GABRA5: variants seen among roughly 807,000 people sequenced by gnomAD.
GABRA5 encodes the protein gamma-aminobutyric acid receptor subunit alpha-5.
GABRA5 carries 18 observed loss-of-function variants against 47.3 expected under a neutral mutation model. The observed-to-expected ratio is 0.38, with a 90% CI of 0.26 to 0.56. GABRA5 has a LOEUF of 0.56. GABRA5 is among the 20% of genes least tolerant of loss of function. The probability of loss-of-function intolerance (pLI) is 0.71; values close to 1 mark genes in which losing one functional copy is unlikely to be tolerated. For synonymous variants in GABRA5, 237 were observed against 229.3 expected, an observed-to-expected ratio of 1.03 and a Z score of -0.30; for missense variants, 365 against 599.3, an observed-to-expected ratio of 0.61 and a Z score of 4.08.
rs113410401 is a variant in GABRA5 at position 26,913,272 on chromosome 15, G to A, written c.498-1531G>A. Among the ~76,000 whole-genome samples the A allele has an allele frequency of 6.6e-4, 101 of 152,016 alleles. 1 individual carries two copies. Among genetic ancestry groups the A allele is most frequent in the African/African-American group, 2.2e-3 (90 of 41,454 alleles). On this transcript the variant is annotated intron_variant, in intron 6 of 10. Coordinates refer to ENST00000335625, the MANE Select transcript of GABRA5 (RefSeq NM_000810.4). ...CATCTACACACACAAGCCTCTGTGA[G>A]TCACTCCATCTTTGGGGAAACCTTC...
At chr15:26,893,162 G>A in intron 6 of GABRA5, among the ~76,000 whole-genome samples, 1 of 127,068 alleles carries the variant, frequency 7.9e-6, no homozygotes, top group East Asian at 2.3e-4. Context: ...TGGCGTGTGT[G>A]GGGTGTGTAT....
chr15:26,899,808 A>C (rs1322487346), intron 6 of GABRA5, among the ~76,000 whole-genome samples: 1 of 152,132 alleles, frequency 6.6e-6, no homozygotes, highest in East Asian at 1.9e-4. Context: ...CTCGTACATG[A>C]TAAAGAATTA....
chr15:26,903,566 C>T (rs1324034184), intron 6 of GABRA5, among the ~76,000 whole-genome samples: 1 of 152,122 alleles, frequency 6.6e-6, no homozygotes, highest in Non-Finnish European at 1.5e-5. Context: ...ATTTACACTC[C>T]AGCCAACAGT....
At chr15:26,895,683 C>G (rs1371141781) in intron 6 of GABRA5, among the ~76,000 whole-genome samples, 2 of 151,762 alleles carry the variant, frequency 1.3e-5, no homozygotes, top group East Asian at 2.0e-4. Context: ...CATGGTGGCA[C>G]TCGCCTGTAA....
At chr15:26,907,064 G>C (rs1893461320) in intron 6 of GABRA5, among the ~76,000 whole-genome samples, 2 of 152,176 alleles carry the variant, frequency 1.3e-5, no homozygotes, top group African/African-American at 4.8e-5. Flanking sequence ...GTATAATTCT[G>C]ATGGTTGGTC....
At chr15:26,873,652 T>C (rs1892522849) in intron 3 of GABRA5, among the ~76,000 whole-genome samples, 1 of 152,198 alleles carries the variant, frequency 6.6e-6, no homozygotes, top group Non-Finnish European at 1.5e-5. Flanking sequence ...ATTCTCTGAA[T>C]CACGCAGGTA....
intron 6 of GABRA5, among the ~76,000 whole-genome samples, chr15:26,890,509 A>G (rs150665693): frequency 5.6e-4 from 82 of 146,508 alleles, no homozygotes; most frequent in African/African-American, 2.1e-3. Context: ...CTTGTTCCCA[A>G]GGTTGGAGAC....
intron 4 of GABRA5, among the ~76,000 whole-genome samples, chr15:26,882,638 A>T (rs1177588660): frequency 6.6e-6 from 1 of 152,260 alleles, no homozygotes; most frequent in East Asian, 1.9e-4. Context: ...GAAACGCTAC[A>T]TAAAGAGAAG....
chr15:26,933,892 G>A (rs1261129663), intron 7 of GABRA5, among the ~76,000 whole-genome samples: 2 of 152,184 alleles, frequency 1.3e-5, no homozygotes, highest in Non-Finnish European at 2.9e-5. Context: ...TACCATTGAT[G>A]TGTTAGGTGC....
At chr15:26,881,682 T>A (rs1892731794) in intron 4 of GABRA5, among the ~76,000 whole-genome samples, 2 of 152,076 alleles carry the variant, frequency 1.3e-5, no homozygotes, top group Non-Finnish European at 2.9e-5. Flanking sequence ...GAGGAAAAAA[T>A]TTAGTTGTCT....
intron 7 of GABRA5, among the ~76,000 whole-genome samples, chr15:26,921,086 T>C (rs1029939134): frequency 1.3e-5 from 2 of 152,218 alleles, no homozygotes; most frequent in African/African-American, 4.8e-5. Context: ...TTTTTGCATA[T>C]ATATTCATTT....
chr15:26,881,292 C>A (rs3924356), intron 4 of GABRA5, among the ~76,000 whole-genome samples: 1 of 152,184 alleles, frequency 6.6e-6, no homozygotes, highest in African/African-American at 2.4e-5. Context: ...TAAGGAGGAA[C>A]CAGCTTTTAG....
chr15:26,905,745 C>T (rs947500993), intron 6 of GABRA5, among the ~76,000 whole-genome samples: 5 of 151,828 alleles, frequency 3.3e-5, no homozygotes, highest in African/African-American at 1.2e-4. Context: ...CTTAATCTTT[C>T]TTCTACCTGA....
At chr15:26,896,766 G>A (rs549620820) in intron 6 of GABRA5, among the ~76,000 whole-genome samples, 9 of 152,240 alleles carry the variant, frequency 5.9e-5, no homozygotes, top group Non-Finnish European at 1.2e-4. Flanking sequence ...TTAAACATCA[G>A]AAGGACGCTA....
intron 6 of GABRA5, among the ~76,000 whole-genome samples, chr15:26,895,072 T>A (rs1323751590): frequency 6.6e-6 from 1 of 152,074 alleles, no homozygotes; most frequent in Non-Finnish European, 1.5e-5. Flanking sequence ...GCTGGTTTTA[T>A]GTATGGATGG....
chr15:26,906,168 G>A (rs1004121429), intron 6 of GABRA5, among the ~76,000 whole-genome samples: 1 of 151,674 alleles, frequency 6.6e-6, no homozygotes, highest in Non-Finnish European at 1.5e-5. Flanking sequence ...ATTGTTGTTT[G>A]CTTGTTTGGT....
Position 26,947,948 on chromosome 15 carries a change from C to T in GABRA5, c.1104C>T (p.Val368=), listed in dbSNP as rs1474165419. 6.3e-7 allele frequency: 1 copy of T among 1,576,902 alleles called. No individual in the cohort carries two copies. The highest frequency in any genetic ancestry group is 1.9e-5 in the Admixed American group (1 of 54,028). The change falls in exon 11 of 11, where the codon GTC becomes GTT. Residue 368 remains valine (V), a synonymous_variant. Coordinates refer to ENST00000335625, the MANE Select transcript of GABRA5 (RefSeq NM_000810.4). ...ATATTTTGCAGAAAAAGCGTGAAGTCATACTAAATAAGTCAACAAACGCTT... is the reference window on the plus strand; with the variant it reads ...ATATTTTGCAGAAAAAGCGTGAAGTTATACTAAATAAGTCAACAAACGCTT... ...EAAKIKKKRE[V]ILNKSTNAFT...
At chr15:26,920,300 ATTC>A (rs934843024) in intron 7 of GABRA5, among the ~76,000 whole-genome samples, 36 of 150,528 alleles carry the variant, frequency 2.4e-4, no homozygotes, top group African/African-American at 7.6e-4. Context: ...TCTCTTCTTC[ATTC>A]TTCTTCTTGC....
chr15:26,875,709 C>T (rs1333242716), intron 3 of GABRA5, among the ~76,000 whole-genome samples: 5 of 151,804 alleles, frequency 3.3e-5, no homozygotes, highest in Non-Finnish European at 7.4e-5. Flanking sequence ...GAGGGAGCGT[C>T]GTCAGGGAGG....
Sources: gnomAD v4.1 joint callset for allele counts (sites outside exome capture counted in the v4.1 genomes callset) on GRCh38, gnomAD v4.1.1 for gene constraint, MANE v1.5 for transcripts, NCBI Gene and HGNC (gene_info 2026-07-23, HGNC 2026-07-21) for gene names.